The following PLEKHA5 variants were observed in gnomAD, a reference collection of about 807,000 sequenced individuals.
PLEKHA5 encodes the protein pleckstrin homology domain containing A5, also known as pleckstrin homology domain-containing family A member 5.
In PLEKHA5, 55 loss-of-function variants were observed where a neutral mutation model predicts 181.9. The observed-to-expected ratio is 0.30, with a 90% CI of 0.24 to 0.38. The LOEUF (loss-of-function observed/expected upper bound fraction) is 0.38. Ranked by LOEUF, PLEKHA5 falls within the 10% of genes least tolerant of loss-of-function variation. The pLI is 1.00. For missense variants in PLEKHA5, 1,432 were observed against 1,549.5 expected, an observed-to-expected ratio of 0.92 and a Z score of 1.27; for synonymous variants, 535 against 529.4, an observed-to-expected ratio of 1.01 and a Z score of -0.15.
At chr12:19,354,213 G>T (rs1176795248) in intron 26 of PLEKHA5, among the ~76,000 whole-genome samples, 1 of 126,466 alleles carries the variant, frequency 7.9e-6, no homozygotes, top group African/African-American at 2.9e-5. Flanking sequence ...GTGCTGTGGC[G>T]CGATCTCGGC....
At chr12:19,173,680 G>A (rs2046531668) in intron 3 of PLEKHA5, among the ~76,000 whole-genome samples, 1 of 152,176 alleles carries the variant, frequency 6.6e-6, no homozygotes, top group Non-Finnish European at 1.5e-5. Context: ...CAGGGAACAG[G>A]ACAAAGAAGA....
rs556297271 is a variant in PLEKHA5 at position 19,306,414 on chromosome 12, G to T, written c.2038-8400G>T. On this transcript the variant is annotated intron_variant, in intron 15 of 31. Transcript: ENST00000429027. ...CGGCGTGCAGTGGGGTAGAGAAAAG[G>T]TGGCGACGGCGACTGGAGCAGCAGA... 17 of 556,206 alleles carry T rather than the reference G, an allele frequency of 3.1e-5. No individual in the cohort carries two copies. The African/African-American group carries it at 3.2e-4, about 10-fold the overall frequency. 34.5% of individuals were successfully genotyped at this position (556,206 alleles called of 1,614,324 possible).
intron 12 of PLEKHA5, among the ~76,000 whole-genome samples, chr12:19,284,417 A>C (rs757207189): frequency 1.3e-5 from 2 of 151,962 alleles, no homozygotes; most frequent in African/African-American, 2.4e-5. Context: ...GAAATTCTAC[A>C]CCTACTGTCT....
intron 20 of PLEKHA5, among the ~76,000 whole-genome samples, chr12:19,328,344 T>C (rs2092460871): frequency 6.6e-6 from 1 of 152,186 alleles, no homozygotes; most frequent in Non-Finnish European, 1.5e-5. Flanking sequence ...ATTTGTTTTC[T>C]AGTTCTGTGA....
chr12:19,375,997 T>A lies in PLEKHA5; in HGVS notation c.*478T>A, dbSNP rs1272219889. 1 of 152,530 alleles carries A rather than the reference T, an allele frequency of 6.6e-6. No homozygotes were observed. Among genetic ancestry groups the A allele is most frequent in the Non-Finnish European group, 1.5e-5 (1 of 68,012 alleles). 9.4% of individuals were successfully genotyped at this position (152,530 alleles called of 1,614,324 possible). A position where few individuals can be genotyped will look rare whatever the true frequency, so the allele number is the denominator to read the frequency against. Reference sequence around the variant, plus strand: ...GTTTCACACTTGATTTGTAAAAATTTTATATATATGTATTTAAAATGTGCC... The same window carrying A: ...GTTTCACACTTGATTTGTAAAAATTATATATATATGTATTTAAAATGTGCC... On this transcript the variant is annotated 3_prime_UTR_variant, in exon 32 of 32. Transcript: ENST00000429027.
intron 3 of PLEKHA5, among the ~76,000 whole-genome samples, chr12:19,216,216 T>C (rs1438099848): frequency 2.0e-5 from 3 of 152,238 alleles, no homozygotes; most frequent in Non-Finnish European, 2.9e-5. Flanking sequence ...AATAGACAAT[T>C]TGCTGTACAA....
At position 19,257,540 on chromosome 12, in the gene PLEKHA5, A is replaced by ATT. The variant is rs10706958; in HGVS notation, c.537+15_537+16dup. ...GACGAGGTTGGCTTTATAAACAGGT[A>ATT]TTTTTTTTTTTTTGATATGAAACAA... is the stretch of plus-strand genomic sequence containing the variant. On this transcript the variant is annotated splice_donor_region_variant and intron_variant, in intron 6 of 31. Transcript: ENST00000429027. 356 of 1,203,340 alleles carry ATT rather than the reference A, an allele frequency of 3.0e-4. No individual in the cohort carries two copies. Among genetic ancestry groups the ATT allele is most frequent in the African/African-American group, 1.3e-3 (84 of 63,582 alleles). 74.5% of individuals were successfully genotyped at this position (1,203,340 alleles called of 1,614,324 possible). A position where few individuals can be genotyped will look rare whatever the true frequency, so the allele number is the denominator to read the frequency against.
chr12:19,155,211 T>C (rs184359923), intron 3 of PLEKHA5, among the ~76,000 whole-genome samples: 1 of 152,290 alleles, frequency 6.6e-6, no homozygotes, highest in Admixed American at 6.5e-5. Flanking sequence ...AAGCTCTATG[T>C]AAAATAAATA....
intron 3 of PLEKHA5, among the ~76,000 whole-genome samples, chr12:19,193,201 G>C (rs1470823479): frequency 4.6e-5 from 7 of 152,312 alleles, no homozygotes; most frequent in Non-Finnish European, 1.0e-4. Flanking sequence ...TGTTAATGTG[G>C]TTTTGATTTT....
intron 3 of PLEKHA5, among the ~76,000 whole-genome samples, chr12:19,221,681 G>A (rs945923159): frequency 2.0e-5 from 3 of 152,154 alleles, no homozygotes; most frequent in African/African-American, 7.2e-5. Context: ...TGACAAAGGA[G>A]CCTATTACAA....
chr12:19,349,909 G>A (rs1210275375), intron 25 of PLEKHA5, among the ~76,000 whole-genome samples: 2 of 152,016 alleles, frequency 1.3e-5, no homozygotes, highest in African/African-American at 4.8e-5. Context: ...TCAGGAGGTG[G>A]AGACCATCCT....
chr12:19,146,576 T>C (rs2038977920), intron 3 of PLEKHA5, among the ~76,000 whole-genome samples: 1 of 152,222 alleles, frequency 6.6e-6, no homozygotes, highest in African/African-American at 2.4e-5. Context: ...TCAATCTGTG[T>C]CTTACATATT....
At chr12:19,220,917 A>G (rs1249612190) in intron 3 of PLEKHA5, among the ~76,000 whole-genome samples, 16 of 152,296 alleles carry the variant, frequency 1.1e-4, no homozygotes, top group Admixed American at 8.5e-4. Context: ...AATGCTTAAC[A>G]CGTTTGTCTG....
chr12:19,236,604 C>T (rs189930465), intron 3 of PLEKHA5, among the ~76,000 whole-genome samples: 132 of 152,174 alleles, frequency 8.7e-4, no homozygotes, highest in African/African-American at 3.1e-3. Context: ...GGGGTGCTTA[C>T]AGTTTAAACA....
intron 3 of PLEKHA5, among the ~76,000 whole-genome samples, chr12:19,205,056 A>G (rs1565463864): frequency 6.6e-6 from 1 of 152,116 alleles, no homozygotes; most frequent in Non-Finnish European, 1.5e-5. Context: ...TATTTAATAA[A>G]CTTGTAGAAA....
At chr12:19,275,118 G>A in intron 11 of PLEKHA5, 135 bp downstream of exon 11, 1 of 627,308 alleles carries the variant, frequency 1.6e-6, no homozygotes, top group Non-Finnish European at 2.8e-6. Flanking sequence ...TACGTCTTTT[G>A]TTTATAATGA....
chr12:19,170,463 G>C (rs2045634621), intron 3 of PLEKHA5, among the ~76,000 whole-genome samples: 1 of 147,728 alleles, frequency 6.8e-6, no homozygotes, highest in African/African-American at 2.5e-5. Context: ...GTCTCCCTCT[G>C]TTGCCCAGGC....
At chr12:19,275,159 A>T (rs950233337) in intron 11 of PLEKHA5, among the ~76,000 whole-genome samples, 176 bp downstream of exon 11, 1 of 152,140 alleles carries the variant, frequency 6.6e-6, no homozygotes, top group Non-Finnish European at 1.5e-5. Flanking sequence ...TCTGTCTCTT[A>T]TGTTCTGTCA....
intron 3 of PLEKHA5, among the ~76,000 whole-genome samples, chr12:19,223,517 C>A (rs1492129): frequency 6.6e-6 from 1 of 151,844 alleles, no homozygotes; most frequent in African/African-American, 2.4e-5. Context: ...ATTTAAATTA[C>A]TCACTTTTTC....
Sources: allele counts gnomAD v4.1 joint callset (sites outside exome capture counted in the v4.1 genomes callset), GRCh38; gene constraint gnomAD v4.1.1; transcripts MANE v1.5; gene names NCBI Gene and HGNC (gene_info 2026-07-23, HGNC 2026-07-21).